The following KCNIP4 variants were observed in gnomAD, a reference collection of about 807,000 sequenced individuals.
The protein encoded by KCNIP4 is potassium voltage-gated channel interacting protein 4.
In KCNIP4, 12 loss-of-function variants were observed where a neutral mutation model predicts 34.0. The ratio of observed to expected loss-of-function variants is 0.35; its 90% CI spans 0.23 to 0.57. The LOEUF is 0.57. Ranked by LOEUF, KCNIP4 falls within the 20% of genes least tolerant of loss-of-function variation. The pLI is 0.83. For missense variants in KCNIP4, 238 were observed against 311.7 expected, an observed-to-expected ratio of 0.76 and a Z score of 1.78; for synonymous variants, 124 against 102.2, an observed-to-expected ratio of 1.21 and a Z score of -1.29.
chr4:21,798,628 T>C (rs890930862), intron 1 of KCNIP4, among the ~76,000 whole-genome samples: 10 of 147,832 alleles, frequency 6.8e-5, no homozygotes, highest in African/African-American at 2.5e-4. Context: ...TATTCTCCAA[T>C]AGATTAAGAG....
At chr4:21,592,327 C>G (rs184591843) in intron 1 of KCNIP4, among the ~76,000 whole-genome samples, 1 of 152,040 alleles carries the variant, frequency 6.6e-6, no homozygotes, top group Admixed American at 6.6e-5. Context: ...TTCTCTGTAA[C>G]AATGCAAGAG....
chr4:21,461,666 C>A lies in KCNIP4; in HGVS notation c.61+486905G>T, dbSNP rs191757464. On this transcript the variant is annotated intron_variant, in intron 1 of 8. Transcript: ENST00000382152. Reference sequence around the variant, plus strand: ...AACATTCCCAGCTGCACCTTGTATGCCAACTGAGTCAACTTGCTCCTCTAA... The same window carrying A: ...AACATTCCCAGCTGCACCTTGTATGACAACTGAGTCAACTTGCTCCTCTAA... Among the ~76,000 whole-genome samples, 622 of 152,064 alleles carry A rather than the reference C, an allele frequency of 4.1e-3. 5 individuals carry two copies. The highest frequency in any genetic ancestry group is 0.021 in the Middle Eastern group (6 of 292).
intron 1 of KCNIP4, among the ~76,000 whole-genome samples, chr4:21,315,958 C>T (rs1000649549): frequency 3.9e-5 from 6 of 152,144 alleles, no homozygotes; most frequent in Non-Finnish European, 8.8e-5. Flanking sequence ...ATTTCCTGAC[C>T]GACTGTGTTC....
intron 1 of KCNIP4, among the ~76,000 whole-genome samples, chr4:21,060,136 T>C (rs567821946): frequency 1.3e-5 from 2 of 152,278 alleles, no homozygotes; most frequent in African/African-American, 4.8e-5. Flanking sequence ...TCTTTTCTGG[T>C]ATTAGAGGTA....
At chr4:21,275,964 T>C (rs766989787) in intron 1 of KCNIP4, among the ~76,000 whole-genome samples, 43 of 152,060 alleles carry the variant, frequency 2.8e-4, no homozygotes, top group Admixed American at 1.8e-3. Flanking sequence ...TATAAAAGAA[T>C]TGCAAAAAAA....
At chr4:21,487,071 G>T (rs1232505933) in intron 1 of KCNIP4, among the ~76,000 whole-genome samples, 4 of 152,046 alleles carry the variant, frequency 2.6e-5, no homozygotes, top group Non-Finnish European at 5.9e-5. Context: ...AAAGTGCTGG[G>T]ATTACAGGTG....
chr4:21,031,175 T>C (rs1050893858), intron 1 of KCNIP4, among the ~76,000 whole-genome samples: 1 of 152,226 alleles, frequency 6.6e-6, no homozygotes, highest in African/African-American at 2.4e-5. Flanking sequence ...CATTCCCACT[T>C]CTTCACATGG....
rs116742843 is a variant in KCNIP4, at chr4:20,932,780, T to C, written c.62-50071A>G. Among the ~76,000 whole-genome samples the C allele has an allele frequency of 3.2e-3, 486 of 152,276 alleles. 3 individuals are homozygous for C. Among genetic ancestry groups the C allele is most frequent in the African/African-American group, 0.011 (466 of 41,570 alleles). On this transcript the variant is annotated intron_variant, in intron 1 of 8. Transcript: ENST00000382152. ...TTAACATAAATAATTTTTAACTATT[T>C]TGCTATAATATACATTAATATAAAG...
At position 21,132,726 on chromosome 4, in the gene KCNIP4, C is replaced by T. The variant is rs139788630; in HGVS notation, c.62-250017G>A. ...AACATGTTAGAATAAGAAATTTTTG[C>T]GGCCAGGCACGGTGGCTCACGCCTG... is the stretch of plus-strand genomic sequence containing the variant. On this transcript the variant is annotated intron_variant, in intron 1 of 8. Coordinates refer to ENST00000382152, the MANE Select transcript of KCNIP4 (RefSeq NM_025221.6). 7.0e-3 allele frequency among the ~76,000 whole-genome samples: 1,067 copies of T among 151,848 alleles called. 15 individuals carry two copies. Among genetic ancestry groups the T allele is most frequent in the African/African-American group, 0.024 (1,006 of 41,420 alleles).
At chr4:21,627,539 T>C (rs1745426037) in intron 1 of KCNIP4, among the ~76,000 whole-genome samples, 1 of 152,194 alleles carries the variant, frequency 6.6e-6, no homozygotes, top group Non-Finnish European at 1.5e-5. Flanking sequence ...TTACACTCAA[T>C]TATTTTTAAC....
At chr4:21,499,372 T>G (rs1733120411) in intron 1 of KCNIP4, among the ~76,000 whole-genome samples, 1 of 151,538 alleles carries the variant, frequency 6.6e-6, no homozygotes, top group South Asian at 2.1e-4. Context: ...ATAATTTTAT[T>G]TATTAAAATC....
At chr4:21,767,354 A>T (rs1309330896) in intron 1 of KCNIP4, among the ~76,000 whole-genome samples, 4 of 151,892 alleles carry the variant, frequency 2.6e-5, no homozygotes, top group Admixed American at 1.3e-4. Flanking sequence ...TACATGTTTA[A>T]AGGATACTTC....
chr4:21,694,928 AAAT>A (rs766889997), intron 1 of KCNIP4, among the ~76,000 whole-genome samples: 15,584 of 122,356 alleles, frequency 0.13, 1,123 homozygotes, highest in Non-Finnish European at 0.2. Flanking sequence ...AAAAAAAAAA[AAAT>A]AAAAATAAAT....
intron 4 of KCNIP4, among the ~76,000 whole-genome samples, chr4:20,754,122 A>G (rs1398577980): frequency 6.6e-6 from 1 of 152,182 alleles, no homozygotes. Context: ...TATAGGCAAT[A>G]GCACCAACAA....
chr4:21,069,835 A>G (rs1232115079), intron 1 of KCNIP4, among the ~76,000 whole-genome samples: 1 of 152,192 alleles, frequency 6.6e-6, no homozygotes, highest in Non-Finnish European at 1.5e-5. Context: ...AGTACTTAAC[A>G]CCAAAACACG....
chr4:21,450,692 T>C (rs1413982478), intron 1 of KCNIP4, among the ~76,000 whole-genome samples: 2 of 152,162 alleles, frequency 1.3e-5, no homozygotes, highest in Non-Finnish European at 2.9e-5. Flanking sequence ...AACCTGATAG[T>C]TCAATGGATT....
intron 1 of KCNIP4, among the ~76,000 whole-genome samples, chr4:21,030,230 G>C (rs924983803): frequency 3.9e-5 from 6 of 152,058 alleles, no homozygotes; most frequent in African/African-American, 1.4e-4. Context: ...TCTCTTAGGA[G>C]CGTGAACCCT....
At chr4:21,356,686 A>G (rs546983491) in intron 1 of KCNIP4, among the ~76,000 whole-genome samples, 2 of 152,318 alleles carry the variant, frequency 1.3e-5, no homozygotes, top group South Asian at 4.1e-4. Flanking sequence ...CAAATGGAGG[A>G]ACATTCCATA....
At chr4:20,845,707 C>T (rs1276245331) in intron 3 of KCNIP4, among the ~76,000 whole-genome samples, 1 of 152,160 alleles carries the variant, frequency 6.6e-6, no homozygotes, top group African/African-American at 2.4e-5. Flanking sequence ...AATCCAGCTG[C>T]CATATTACAA....
Sources: gnomAD v4.1 joint callset for allele counts (sites outside exome capture counted in the v4.1 genomes callset) on GRCh38, gnomAD v4.1.1 for gene constraint, MANE v1.5 for transcripts, NCBI Gene and HGNC (gene_info 2026-07-23, HGNC 2026-07-21) for gene names.